DNAH6: variants seen among roughly 807,000 people sequenced by gnomAD.
DNAH6 encodes axonemal beta dynein heavy chain 6.
DNAH6 carries 340 observed loss-of-function variants against 491.4 expected under a neutral mutation model. The observed-to-expected ratio is 0.69, with a 90% CI of 0.63 to 0.76. DNAH6 has a LOEUF of 0.76. Ranked by LOEUF, DNAH6 falls within the 30% of genes least tolerant of loss-of-function variation. DNAH6 has a pLI of 0.00. For missense variants in DNAH6, 4,443 were observed against 4,972.2 expected (o/e 0.89, Z 3.20); for synonymous variants, 1,603 against 1,686.1 (o/e 0.95, Z 1.21).
At position 84,544,215 on chromosome 2, in the gene DNAH6, A is replaced by T; in HGVS notation, c.663-18A>T. 1 of 1,308,538 alleles carries T rather than the reference A, an allele frequency of 7.6e-7. No individual in the cohort carries two copies. The highest frequency in any genetic ancestry group is 1.0e-6 in the Non-Finnish European group (1 of 966,722). 81.1% of individuals were successfully genotyped at this position (1,308,538 alleles called of 1,614,324 possible). A position where few individuals can be genotyped will look rare whatever the true frequency, so the allele number is the denominator to read the frequency against. On this transcript the variant is annotated intron_variant, in intron 4 of 76. Transcript: ENST00000389394. ...TTGAATACTTTATTTATTAGTCCCA[A>T]TTTTTATTTGTTTATAGAGTTGTAA...
the DNAH6 span, among the ~76,000 whole-genome samples, chr2:84,491,605 T>C: frequency 6.6e-6 from 1 of 152,228 alleles, no homozygotes; most frequent in Non-Finnish European, 1.5e-5. Context: ...CTTATTCCCT[T>C]CATTCTATCT....
intron 58 of DNAH6, 68 bp from the exon 59 acceptor site, chr2:84,718,136 A>C (rs1697729015): frequency 1.5e-6 from 2 of 1,313,354 alleles, no homozygotes; most frequent in Admixed American, 6.0e-5. Flanking sequence ...CAAACAGAGA[A>C]AGAAAAATAG....
At chr2:84,583,046 G>A (rs904869667) in intron 14 of DNAH6, among the ~76,000 whole-genome samples, 3 of 152,068 alleles carry the variant, frequency 2.0e-5, no homozygotes, top group Non-Finnish European at 4.4e-5. Flanking sequence ...GCAGAGTTGC[G>A]GGTAAGGAGC....
the DNAH6 span, among the ~76,000 whole-genome samples, chr2:84,465,028 C>T: frequency 3.2e-4 from 48 of 152,088 alleles, no homozygotes; most frequent in African/African-American, 7.2e-5. Flanking sequence ...GATCCATATT[C>T]TCTAACTTCT....
intron 35 of DNAH6, among the ~76,000 whole-genome samples, chr2:84,657,354 A>T (rs1287633718): frequency 6.6e-6 from 1 of 151,976 alleles, no homozygotes; most frequent in Non-Finnish European, 1.5e-5. Context: ...TTGTCAATTA[A>T]TCCACAAAGT....
intron 63 of DNAH6, among the ~76,000 whole-genome samples, chr2:84,759,071 C>A (rs977677047): frequency 6.6e-6 from 1 of 152,010 alleles, no homozygotes; most frequent in Non-Finnish European, 1.5e-5. Context: ...TCACCAAAAA[C>A]GCTTAAATTT....
chr2:84,611,632 T>G, intron 21 of DNAH6, 42 bp from the exon 22 acceptor site: 1 of 1,480,742 alleles, frequency 6.8e-7, no homozygotes, highest in Non-Finnish European at 9.2e-7. Flanking sequence ...ATGTTTTTAA[T>G]TGGGGAATTA....
chr2:84,728,637 A>T (rs577093107), intron 61 of DNAH6, among the ~76,000 whole-genome samples: 12 of 152,312 alleles, frequency 7.9e-5, no homozygotes, highest in African/African-American at 2.6e-4. Flanking sequence ...AGTTTTTTTT[A>T]AAAAACCATG....
chr2:84,538,447 T>A (rs555879084), intron 4 of DNAH6, among the ~76,000 whole-genome samples: 41 of 152,300 alleles, frequency 2.7e-4, no homozygotes, highest in Middle Eastern at 6.8e-3. Flanking sequence ...TTTAAAGCTA[T>A]TAAAATCTAA....
chr2:84,588,828 T>G lies in DNAH6; in HGVS notation c.2484T>G (p.Asp828Glu), dbSNP rs1228123512. The G allele has an allele frequency of 6.5e-7, 1 of 1,536,190 alleles. No individual in the cohort carries two copies. The part of the protein sequence containing the change: ...EVNEVKLQAQ[D>E]PQILDISADQ... ...CAAAAACTGTCTTAAATTTATAGGA[T>G]CCACAGATTTTAGATATCTCTGCTG... The change falls in exon 16 of 77, where the codon GAT becomes GAG. Residue 828 changes from aspartate (D) to glutamate (E), a missense_variant and splice_region_variant. Asp to Glu is a conservative substitution (Grantham distance 45). Transcript: ENST00000389394.
chr2:84,742,266 T>C (rs1672594273), intron 62 of DNAH6, among the ~76,000 whole-genome samples: 1 of 152,200 alleles, frequency 6.6e-6, no homozygotes, highest in Admixed American at 6.5e-5. Context: ...CTTTCCATTT[T>C]TTGTGTGTCA....
chr2:84,645,305 G>C (rs1385670137), intron 33 of DNAH6, among the ~76,000 whole-genome samples: 1 of 152,158 alleles, frequency 6.6e-6, no homozygotes, highest in Non-Finnish European at 1.5e-5. Context: ...TGTAATCCCA[G>C]CTACTTGGGA....
intron 60 of DNAH6, among the ~76,000 whole-genome samples, chr2:84,726,052 T>G (rs1382540836): frequency 1.3e-5 from 2 of 152,158 alleles, no homozygotes; most frequent in African/African-American, 4.8e-5. Flanking sequence ...CCTATTTTGG[T>G]GAGGAGACTG....
At chr2:84,559,153 G>A (rs78619523) in intron 11 of DNAH6, among the ~76,000 whole-genome samples, 1,844 of 152,204 alleles carry the variant, frequency 0.012, 14 homozygotes, top group African/African-American at 0.021. Flanking sequence ...AATCTAAGGA[G>A]CTGAGGTTAA....
the DNAH6 span, among the ~76,000 whole-genome samples, chr2:84,471,126 T>A: frequency 6.6e-6 from 1 of 152,230 alleles, no homozygotes; most frequent in Non-Finnish European, 1.5e-5. Context: ...ATGTCAGACA[T>A]GCAAGCCCTG....
At chr2:84,591,071 G>A (rs1486988017) in intron 16 of DNAH6, among the ~76,000 whole-genome samples, 1 of 152,202 alleles carries the variant, frequency 6.6e-6, no homozygotes, top group Non-Finnish European at 1.5e-5. Flanking sequence ...TACCTGGACA[G>A]GGGAAGATTT....
chr2:84,539,701 C>A (rs1204113404), intron 4 of DNAH6, among the ~76,000 whole-genome samples: 1 of 152,186 alleles, frequency 6.6e-6, no homozygotes, highest in Non-Finnish European at 1.5e-5. Context: ...TGTGCTCATG[C>A]TGCTCTTCCA....
chr2:84,582,373 A>G (rs1289943261), intron 14 of DNAH6, among the ~76,000 whole-genome samples: 1 of 152,198 alleles, frequency 6.6e-6, no homozygotes, highest in Non-Finnish European at 1.5e-5. Flanking sequence ...GACCCACCCT[A>G]CATGACTACA....
rs1679359316 is a variant in DNAH6 at position 84,805,752 on chromosome 2, A to G, written c.11569A>G (p.Ile3857Val). 6.4e-7 allele frequency: 1 copy of G among 1,551,644 alleles called. No individual in the cohort carries two copies. Among genetic ancestry groups the G allele is most frequent in the Non-Finnish European group, 8.7e-7 (1 of 1,146,914 alleles). ...TGGEGKSNDE[I>V]VQELVASVQT... ...TGGAGAGGGAAAAAGCAATGACGAA[A>G]TTGTTCAAGAACTTGTTGCTTCTGT... Residue 3857 changes from isoleucine to valine, a missense_variant, in exon 71 of 77, where the codon ATT (isoleucine) becomes GTT (valine). Coordinates refer to ENST00000389394, the MANE Select transcript of DNAH6 (RefSeq NM_001370.2).
Sources: allele counts gnomAD v4.1 joint callset (sites outside exome capture counted in the v4.1 genomes callset), GRCh38; gene constraint gnomAD v4.1.1; transcripts MANE v1.5; gene names NCBI Gene and HGNC (gene_info 2026-07-23, HGNC 2026-07-21).